TTC3: variants seen among roughly 807,000 people sequenced by gnomAD.
TTC3 encodes tetratricopeptide repeat domain 3, also known as E3 ubiquitin-protein ligase TTC3.
TTC3 carries 180 observed loss-of-function variants against 249.6 expected under a neutral mutation model. That is an observed-to-expected ratio of 0.72 (90% CI 0.64 to 0.82). The LOEUF is 0.82. Among genes scored for constraint, TTC3 ranks in the 40% least tolerant of loss-of-function variants. The pLI is 0.00. For missense variants in TTC3, 2,061 were observed against 2,398.4 expected (o/e 0.86, Z 2.94); for synonymous variants, 717 against 805.0 (o/e 0.89, Z 1.85).
At chr21:37,194,073 A>C (rs2084555921) in intron 41 of TTC3, 1 of 152,212 alleles carries the variant, frequency 6.6e-6, no homozygotes, top group South Asian at 2.1e-4. Context: ...GCCCAGTATG[A>C]CGCAGGGGCA....
intron 29 of TTC3, among the ~76,000 whole-genome samples, chr21:37,160,067 A>C (rs1170878738): frequency 6.6e-6 from 1 of 152,208 alleles, no homozygotes; most frequent in Admixed American, 6.5e-5. Context: ...GTCTTTAATA[A>C]CTAAACTTCT....
intron 27 of TTC3, among the ~76,000 whole-genome samples, chr21:37,156,162 A>G (rs2080054989): frequency 6.6e-6 from 1 of 151,516 alleles, no homozygotes; most frequent in East Asian, 1.9e-4. Context: ...TCAGCCTCCC[A>G]AGTAGCTGGG....
intron 1 of TTC3, among the ~76,000 whole-genome samples, chr21:37,077,287 A>G (rs564224586): frequency 6.6e-6 from 1 of 152,308 alleles, no homozygotes; most frequent in East Asian, 1.9e-4. Flanking sequence ...GGTAAAGGGT[A>G]TGCAATTTTA....
chr21:37,163,917 A>G, intron 31 of TTC3, 134 bp from the exon 32 acceptor site: 1 of 935,530 alleles, frequency 1.1e-6, no homozygotes, highest in Non-Finnish European at 1.5e-6. Context: ...CCCTGGTGCT[A>G]TTTTTTTGCA....
chr21:37,196,242 T>C (rs555900675), intron 42 of TTC3, among the ~76,000 whole-genome samples: 20 of 149,790 alleles, frequency 1.3e-4, no homozygotes, highest in African/African-American at 2.9e-4. Context: ...TCTTTCTTTT[T>C]TTTTTTTTTT....
exon 24 of TTC3, chr21:37,150,091 G>A (rs2079325515): frequency 6.2e-7 from 1 of 1,606,630 alleles, no homozygotes; most frequent in African/African-American, 1.3e-5. Flanking sequence ...TTTCTACAAG[G>A]AATATGTCTT....
exon 33 of TTC3, chr21:37,166,056 C>T (rs2081226620): frequency 6.2e-7 from 1 of 1,614,180 alleles, no homozygotes; most frequent in Non-Finnish European, 8.5e-7. Context: ...TCTCCTAAAC[C>T]AGGCTCTGAG....
intron 17 of TTC3, 128 bp from the exon 18 acceptor site, chr21:37,135,251 AG>A (rs2041994456): frequency 1.0e-6 from 1 of 975,022 alleles, no homozygotes; most frequent in South Asian, 1.8e-5. Context: ...ATGATGAATA[AG>A]GGTAGTTTGG....
At chr21:37,185,269 G>A (rs1285538370) in intron 36 of TTC3, among the ~76,000 whole-genome samples, 4 of 152,198 alleles carry the variant, frequency 2.6e-5, no homozygotes, top group South Asian at 2.1e-4. Context: ...GTGTGTGTGC[G>A]TGCGCACCCG....
At chr21:37,132,636 A>G in intron 16 of TTC3, 46 bp from the exon 17 acceptor site, 3 of 1,499,458 alleles carry the variant, frequency 2.0e-6, no homozygotes, top group Non-Finnish European at 1.8e-6. Flanking sequence ...ATATGAGTAG[A>G]ACTTTTATTT....
At chr21:37,145,895 G>A (rs1475081506) in intron 21 of TTC3, among the ~76,000 whole-genome samples, 4 of 152,106 alleles carry the variant, frequency 2.6e-5, no homozygotes, top group Non-Finnish European at 5.9e-5. Flanking sequence ...GAGATTCGTC[G>A]CCATGACTCA....
intron 13 of TTC3, 61 bp downstream of exon 13, chr21:37,123,089 A>T: frequency 6.4e-7 from 1 of 1,555,384 alleles, no homozygotes; most frequent in East Asian, 2.2e-5. Flanking sequence ...CATGAATTTA[A>T]GAATCACTTA....
chr21:37,082,608 T>C (rs1039026303), intron 1 of TTC3: 2 of 985,342 alleles, frequency 2.0e-6, no homozygotes, highest in African/African-American at 3.5e-5. Flanking sequence ...AGCACTAAAC[T>C]GTAGCCAGGT....
chr21:37,183,901 G>A (rs2082984416), intron 36 of TTC3, among the ~76,000 whole-genome samples: 1 of 152,082 alleles, frequency 6.6e-6, no homozygotes, highest in Non-Finnish European at 1.5e-5. Context: ...AGATTCAAGG[G>A]CATGAATAAT....
intron 32 of TTC3, among the ~76,000 whole-genome samples, chr21:37,164,453 G>A (rs112139651): frequency 2.1e-4 from 32 of 151,486 alleles, no homozygotes; most frequent in African/African-American, 6.3e-4. Flanking sequence ...ATTGTCATGC[G>A]TCAGCCTCCC....
At chr21:37,191,369 T>C (rs773809033) in exon 40 of TTC3, 5 of 1,591,772 alleles carry the variant, frequency 3.1e-6, no homozygotes, top group East Asian at 2.3e-5. Flanking sequence ...GAGTCTGATA[T>C]ACGTTCATGG....
At chr21:37,126,662 A>G (rs1010720182) in intron 15 of TTC3, among the ~76,000 whole-genome samples, 1 of 152,210 alleles carries the variant, frequency 6.6e-6, no homozygotes, top group African/African-American at 2.4e-5. Context: ...CAAAAATACC[A>G]TAAACTAGAT....
chr21:37,106,499 T>C (rs2147786301), intron 10 of TTC3, among the ~76,000 whole-genome samples: 1 of 152,356 alleles, frequency 6.6e-6, no homozygotes, highest in East Asian at 1.9e-4. Context: ...AGATTTTCTA[T>C]GTTTCATCTA....
At position 37,159,755 on chromosome 21, in the gene TTC3, T is replaced by G. The variant is rs1441663434; in HGVS notation, c.3039+10T>G. On this transcript the variant is annotated intron_variant, in intron 29 of 45. Transcript: ENST00000355666. ...TAGTGGTGAAGCACCGGTAAGTTAC[T>G]TGGATCACTTGAATCTTACGTTCTA... 1.3e-6 allele frequency: 2 copies of G among 1,491,168 alleles called. No homozygotes were observed. Among genetic ancestry groups the G allele is most frequent in the South Asian group, 2.3e-5 (2 of 86,722 alleles). The allele number at this position is 1,491,168 out of a possible 1,614,324, so 92.4% of individuals were successfully genotyped here. A position where few individuals can be genotyped will look rare whatever the true frequency, so the allele number is the denominator to read the frequency against.
Sources: gnomAD v4.1 joint callset for allele counts (sites outside exome capture counted in the v4.1 genomes callset) on GRCh38, gnomAD v4.1.1 for gene constraint, MANE v1.5 for transcripts, NCBI Gene and HGNC (gene_info 2026-07-23, HGNC 2026-07-21) for gene names.